The following EFCAB11 variants were observed in gnomAD, a reference collection of about 807,000 sequenced individuals.
EFCAB11 encodes EF-hand calcium-binding domain-containing protein 11.
In EFCAB11, 14 loss-of-function variants were observed where a neutral mutation model predicts 23.0. The observed-to-expected ratio is 0.61, with a 90% CI of 0.40 to 0.95. The LOEUF (loss-of-function observed/expected upper bound fraction) is 0.95. Ranked by LOEUF, EFCAB11 falls within the 40% of genes least tolerant of loss-of-function variation. The pLI, the probability that EFCAB11 is intolerant of heterozygous loss-of-function variation, is 0.00. For synonymous variants in EFCAB11, 65 were observed against 66.6 expected (o/e 0.98, Z 0.11); for missense variants, 198 against 195.8 (o/e 1.01, Z -0.07).
intron 5 of EFCAB11, among the ~76,000 whole-genome samples, chr14:89,844,824 C>T (rs1887381552): frequency 6.6e-6 from 1 of 152,192 alleles, no homozygotes; most frequent in South Asian, 2.1e-4. Flanking sequence ...TGGGTATCAG[C>T]CCTCTGGCCT....
intron 5 of EFCAB11, among the ~76,000 whole-genome samples, chr14:89,857,852 T>G (rs1028285877): frequency 7.2e-5 from 11 of 152,294 alleles, no homozygotes; most frequent in African/African-American, 2.6e-4. Context: ...TTTTTACTAC[T>G]GTATCTCATT....
intron 5 of EFCAB11, among the ~76,000 whole-genome samples, chr14:89,845,982 C>T (rs1461472391): frequency 6.6e-6 from 1 of 152,108 alleles, no homozygotes; most frequent in Non-Finnish European, 1.5e-5. Flanking sequence ...GCAAATTGCC[C>T]GGATTTGAAT....
At chr14:89,887,884 C>A (rs1384473496) in intron 5 of EFCAB11, among the ~76,000 whole-genome samples, 1 of 152,118 alleles carries the variant, frequency 6.6e-6, no homozygotes, top group Non-Finnish European at 1.5e-5. Flanking sequence ...AATATATTTT[C>A]TTGGAAATGG....
chr14:89,883,506 T>A (rs1888662339), intron 5 of EFCAB11, among the ~76,000 whole-genome samples: 1 of 152,176 alleles, frequency 6.6e-6, no homozygotes, highest in Non-Finnish European at 1.5e-5. Flanking sequence ...TTAAATCATC[T>A]CCAGATTATT....
intron 5 of EFCAB11, among the ~76,000 whole-genome samples, chr14:89,818,786 A>G (rs1886415703): frequency 6.6e-6 from 1 of 152,262 alleles, no homozygotes; most frequent in Non-Finnish European, 1.5e-5. Context: ...ATTCAACGTC[A>G]TTAGTCATTA....
chr14:89,807,039 T>C lies in EFCAB11; in HGVS notation c.411-9715A>G, dbSNP rs142112587. 6.7e-3 allele frequency among the ~76,000 whole-genome samples: 1,022 copies of C among 152,330 alleles called. 7 individuals are homozygous for C. Among genetic ancestry groups the C allele is most frequent in the African/African-American group, 0.023 (951 of 41,576 alleles). The stretch of plus-strand genomic sequence containing the variant: ...TGAAATATGAATGGAGAGAAAGCCA[T>C]TTCTATTTCAAATATATAATCACTT... On this transcript the variant is annotated intron_variant, in intron 5 of 5. Coordinates refer to ENST00000316738, the MANE Select transcript of EFCAB11 (RefSeq NM_145231.4).
intron 3 of EFCAB11, among the ~76,000 whole-genome samples, chr14:89,947,929 T>C (rs1891036236): frequency 6.6e-6 from 1 of 152,058 alleles, no homozygotes; most frequent in South Asian, 2.1e-4. Flanking sequence ...AACTAACACT[T>C]CTCAAACATA....
intron 5 of EFCAB11, among the ~76,000 whole-genome samples, chr14:89,857,815 A>G (rs1342472354): frequency 6.6e-6 from 1 of 152,170 alleles, no homozygotes; most frequent in African/African-American, 2.4e-5. Context: ...AGAAAATGAT[A>G]TCTTTTTATT....
In EFCAB11 at chr14:89,869,395, G is replaced by T. The variant is rs1888197344; in HGVS notation, c.410+62146C>A. On this transcript the variant is annotated intron_variant, in intron 5 of 5. Transcript: ENST00000316738. ...TCTCAGCAATCTCTAATGTATTGGG[G>T]GCTCCTGCCTGGAGGTCACAGAGCT... 2.0e-5 allele frequency among the ~76,000 whole-genome samples: 3 copies of T among 152,040 alleles called. No individual in the cohort carries two copies. In the South Asian group the frequency reaches 6.2e-4, roughly 32 times the overall value.
intron 5 of EFCAB11, among the ~76,000 whole-genome samples, chr14:89,907,798 A>ACTGT (rs1889544891): frequency 6.6e-6 from 1 of 152,198 alleles, no homozygotes; most frequent in Non-Finnish European, 1.5e-5. Flanking sequence ...GTGGAGTCAG[A>ACTGT]CTGTCTGGTC....
At chr14:89,918,368 A>G (rs939672130) in intron 5 of EFCAB11, among the ~76,000 whole-genome samples, 1 of 151,908 alleles carries the variant, frequency 6.6e-6, no homozygotes, top group Non-Finnish European at 1.5e-5. Flanking sequence ...GTGAAACCCC[A>G]TCTCTACTAA....
In EFCAB11 at chr14:89,797,206, T is replaced by G; in HGVS notation, c.*37A>C. On this transcript the variant is annotated 3_prime_UTR_variant, in exon 6 of 6. Coordinates refer to ENST00000316738, the MANE Select transcript of EFCAB11 (RefSeq NM_145231.4). Reference sequence around the variant, plus strand: ...CGAGTCTGCTGACATTACAATCTATTGATCTCCCCAGAGTTACCAAAAGTA... The same window carrying G: ...CGAGTCTGCTGACATTACAATCTATGGATCTCCCCAGAGTTACCAAAAGTA... 35 of 1,551,060 alleles carry G rather than the reference T, an allele frequency of 2.3e-5. No individual in the cohort carries two copies. Among genetic ancestry groups the G allele is most frequent in the Non-Finnish European group, 2.8e-5 (32 of 1,126,490 alleles).
At chr14:89,912,562 C>T (rs1596449452) in intron 5 of EFCAB11, among the ~76,000 whole-genome samples, 1 of 152,200 alleles carries the variant, frequency 6.6e-6, no homozygotes, top group Non-Finnish European at 1.5e-5. Flanking sequence ...TTAATATATG[C>T]TTTTTTTACA....
chr14:89,870,710 T>A (rs1227316288), intron 5 of EFCAB11, among the ~76,000 whole-genome samples: 2 of 145,362 alleles, frequency 1.4e-5, no homozygotes, highest in East Asian at 2.0e-4. Context: ...GGTAGGTGGA[T>A]CACAAGGTTA....
chr14:89,814,132 A>C (rs1056217471), intron 5 of EFCAB11, among the ~76,000 whole-genome samples: 4 of 151,150 alleles, frequency 2.6e-5, no homozygotes, highest in Non-Finnish European at 5.9e-5. Flanking sequence ...GTATAAAATA[A>C]CTCTGAACTT....
intron 3 of EFCAB11, among the ~76,000 whole-genome samples, chr14:89,941,126 A>T (rs374661770): frequency 6.6e-6 from 1 of 152,200 alleles, no homozygotes; most frequent in African/African-American, 2.4e-5. Context: ...CCTCCATGAG[A>T]CATCACAGAA....
chr14:89,891,972 C>T lies in EFCAB11; in HGVS notation c.410+39569G>A, dbSNP rs1377424055. On this transcript the variant is annotated intron_variant, in intron 5 of 5. Coordinates refer to ENST00000316738, the MANE Select transcript of EFCAB11 (RefSeq NM_145231.4). ...CGCGCGCTGCAGCTGCGGGCTGGGC[C>T]GCGGGTCAAGCTGCAGCTCTGGGAC... Among the ~76,000 whole-genome samples, 3 of 152,126 alleles carry T rather than the reference C, an allele frequency of 2.0e-5. No individual in the cohort carries two copies. In the East Asian group the frequency reaches 5.8e-4, roughly 29 times the overall value.
At chr14:89,836,566 G>T (rs988040797) in intron 5 of EFCAB11, 1 of 456,564 alleles carries the variant, frequency 2.2e-6, no homozygotes, top group African/African-American at 2.0e-5. Context: ...CCAGACGTCA[G>T]TACTCCCCTG....
At chr14:89,893,305 C>T (rs1889040545) in intron 5 of EFCAB11, among the ~76,000 whole-genome samples, 1 of 152,184 alleles carries the variant, frequency 6.6e-6, no homozygotes, top group African/African-American at 2.4e-5. Flanking sequence ...ATGTCAAACC[C>T]AGGGTTGCTG....
Sources: allele counts gnomAD v4.1 joint callset (sites outside exome capture counted in the v4.1 genomes callset), GRCh38; gene constraint gnomAD v4.1.1; transcripts MANE v1.5; gene names NCBI Gene and HGNC (gene_info 2026-07-23, HGNC 2026-07-21).